CDH23: variants seen among roughly 807,000 people sequenced by gnomAD.
CDH23 encodes the protein cadherin related 23, also known as cadherin-23.
A neutral mutation model predicts 317.1 loss-of-function variants in CDH23; 189 were observed. The observed-to-expected ratio is 0.60, with a 90% CI of 0.53 to 0.67. The LOEUF is 0.67. Among genes scored for constraint, CDH23 ranks in the 30% least tolerant of loss-of-function variants. The probability of loss-of-function intolerance (pLI) is 0.00; values close to 1 mark genes in which losing one functional copy is unlikely to be tolerated. For synonymous variants in CDH23, 1,839 were observed against 1,876.8 expected (o/e 0.98, Z 0.52); for missense variants, 4,401 against 4,592.4 (o/e 0.96, Z 1.20).
At position 71,811,978 on chromosome 10, in the gene CDH23, A is replaced by G. The variant is rs772298163; in HGVS notation, c.9343A>G (p.Met3115Val). ...SAGNRGFIDI[M>V]DMPNTNKYSF... ...AGGGAATCGTGGCTTCATCGACATC[A>G]TGGACATGCCTAACACCAACAAGTA... The change falls in exon 66 of 70, where the codon ATG (methionine) becomes GTG (valine). Residue 3115 changes from methionine (M) to valine (V), a missense_variant. Met to Val is a conservative substitution (Grantham distance 21). Transcript: ENST00000224721. 3.1e-6 allele frequency: 5 copies of G among 1,610,698 alleles called. No individual in the cohort carries two copies. The East Asian group carries it at 8.9e-5, about 29-fold the overall frequency.
intron 49 of CDH23, 35 bp from the exon 50 acceptor site, chr10:71,798,319 C>G: frequency 1.3e-6 from 2 of 1,523,914 alleles, no homozygotes; most frequent in African/African-American, 1.4e-5. Context: ...CACTAGTGTC[C>G]TTCCCCTCTC....
chr10:71,403,129 C>T (rs909990286), intron 1 of CDH23, among the ~76,000 whole-genome samples: 1 of 151,682 alleles, frequency 6.6e-6, no homozygotes, highest in Non-Finnish European at 1.5e-5. Context: ...CTCAAAAGAA[C>T]CAAAAAACAA....
At chr10:71,808,225 TTC>T (rs769158236) in intron 60 of CDH23, among the ~76,000 whole-genome samples, 4 of 152,282 alleles carry the variant, frequency 2.6e-5, no homozygotes, top group African/African-American at 9.6e-5. Context: ...TTTCTTTTCA[TTC>T]TCTCTTCTTT....
At position 71,677,650 on chromosome 10, in the gene CDH23, T is replaced by C. The variant is rs1236160441; in HGVS notation, c.1709T>C (p.Leu570Pro). Residue 570 changes from leucine to proline, a missense_variant, in exon 16 of 70, where the codon CTG becomes CCG. Transcript: ENST00000224721. ...TFQKDAYVGA[L>P]RENEPSVTQL... Reference sequence around the variant, plus strand: ...CAGAAGGATGCCTACGTGGGTGCTCTGCGGGAGAACGAGCCTTCTGTCACA... The same window carrying C: ...CAGAAGGATGCCTACGTGGGTGCTCCGCGGGAGAACGAGCCTTCTGTCACA... 1 of 1,583,330 alleles carries C rather than the reference T, an allele frequency of 6.3e-7. No individual in the cohort carries two copies. Among genetic ancestry groups the C allele is most frequent in the South Asian group, 1.2e-5 (1 of 86,422 alleles).
At chr10:71,765,686 C>T (rs556688850) in intron 38 of CDH23, among the ~76,000 whole-genome samples, 10 of 152,090 alleles carry the variant, frequency 6.6e-5, no homozygotes, top group African/African-American at 9.7e-5. Flanking sequence ...TCAGGGAGTA[C>T]GGGAGAGGGG....
At chr10:71,473,960 C>T (rs887730231) in intron 3 of CDH23, among the ~76,000 whole-genome samples, 3 of 152,340 alleles carry the variant, frequency 2.0e-5, no homozygotes, top group South Asian at 2.1e-4. Context: ...CTGGCGCCGA[C>T]GTCTTTATCA....
chr10:71,474,299 A>C (rs1851672999), intron 3 of CDH23, among the ~76,000 whole-genome samples: 1 of 152,184 alleles, frequency 6.6e-6, no homozygotes, highest in African/African-American at 2.4e-5. Context: ...GTAAGTTTGA[A>C]ACAGGAGGTT....
chr10:71,646,584 C>T lies in CDH23; in HGVS notation c.1416C>T (p.Asn472=), dbSNP rs745573280. ...QPLYNISLYE[N]VTVGTSVLTV... ...TGTACAACATCAGCCTGTACGAGAA[C>T]GTCACCGTGGGGACCTCTGTGCTGA... The change falls in exon 14 of 70, where the codon AAC becomes AAT. Residue 472 remains asparagine, a synonymous_variant. Coordinates refer to ENST00000224721, the MANE Select transcript of CDH23 (RefSeq NM_022124.6). 15 of 1,613,886 alleles carry T rather than the reference C, an allele frequency of 9.3e-6. No individual in the cohort carries two copies. Among genetic ancestry groups the T allele is most frequent in the African/African-American group, 2.7e-5 (2 of 74,916 alleles).
intron 1 of CDH23, among the ~76,000 whole-genome samples, chr10:71,408,395 G>A (rs994626283): frequency 1.3e-5 from 2 of 152,162 alleles, no homozygotes; most frequent in African/African-American, 2.4e-5. Flanking sequence ...GAGAAAGAGA[G>A]AGAATTGCAT....
chr10:71,589,504 C>T (rs945867324), intron 9 of CDH23, among the ~76,000 whole-genome samples: 1 of 152,204 alleles, frequency 6.6e-6, no homozygotes. Context: ...ACTTAAAGCC[C>T]ACCCCACCCA....
intron 11 of CDH23, among the ~76,000 whole-genome samples, chr10:71,639,639 C>T (rs1379565556): frequency 6.6e-6 from 1 of 152,190 alleles, no homozygotes; most frequent in Non-Finnish European, 1.5e-5. Context: ...TGAACACTTA[C>T]CCCCTCTGGC....
At chr10:71,536,666 CT>C (rs781005789) in intron 6 of CDH23, among the ~76,000 whole-genome samples, 24 of 152,130 alleles carry the variant, frequency 1.6e-4, no homozygotes, top group Admixed American at 6.5e-4. Context: ...AAATCCATTG[CT>C]GATATTCAAC....
chr10:71,682,550 T>C lies in CDH23; in HGVS notation c.1964T>C (p.Val655Ala), dbSNP rs1864698159. The change falls in exon 18 of 70, where the codon GTC (valine) becomes GCC (alanine). Residue 655 changes from valine to alanine, a missense_variant. Physicochemically the swap from Val to Ala is moderately conservative, Grantham distance 64. Coordinates refer to ENST00000224721, the MANE Select transcript of CDH23 (RefSeq NM_022124.6). ...DAGNPPLNSTVPVTIEVFDEN... is the reference protein window; with the variant it reads ...DAGNPPLNSTAPVTIEVFDEN... ...GGCAACCCCCCTCTCAACAGCACCGTCCCTGTCACCATCGAGGTGTTTGTA... is the reference window on the plus strand; with the variant it reads ...GGCAACCCCCCTCTCAACAGCACCGCCCCTGTCACCATCGAGGTGTTTGTA... 1 of 1,613,622 alleles carries C rather than the reference T, an allele frequency of 6.2e-7. No homozygotes were observed. Among genetic ancestry groups the C allele is most frequent in the South Asian group, 1.1e-5 (1 of 90,928 alleles).
intron 38 of CDH23, among the ~76,000 whole-genome samples, chr10:71,759,854 C>CACACATATAT (rs1840262133): frequency 3.7e-5 from 4 of 109,202 alleles, no homozygotes; most frequent in Admixed American, 2.0e-4. Flanking sequence ...CACATATACA[C>CACACATATAT]ACACACACAC....
At chr10:71,782,107 A>G (rs931316236) in intron 41 of CDH23, among the ~76,000 whole-genome samples, 1 of 152,228 alleles carries the variant, frequency 6.6e-6, no homozygotes, top group Non-Finnish European at 1.5e-5. Flanking sequence ...ATAGGGAGAC[A>G]GATGCCAGAT....
chr10:71,775,389 C>T (rs761811559), intron 38 of CDH23, among the ~76,000 whole-genome samples: 2 of 144,346 alleles, frequency 1.4e-5, no homozygotes. Context: ...AGCAATTGCC[C>T]TGCCAACCCC....
chr10:71,428,930 C>T (rs1048530778), intron 1 of CDH23, among the ~76,000 whole-genome samples: 9 of 152,140 alleles, frequency 5.9e-5, no homozygotes, highest in Admixed American at 5.2e-4. Flanking sequence ...TGCCTCCTTT[C>T]GAATTGGGTT....
intron 14 of CDH23, among the ~76,000 whole-genome samples, chr10:71,656,584 C>T (rs1045805203): frequency 2.0e-5 from 3 of 152,060 alleles, no homozygotes; most frequent in East Asian, 1.9e-4. Context: ...TGGGGAAATA[C>T]GACTGGGCAG....
intron 30 of CDH23, among the ~76,000 whole-genome samples, chr10:71,726,227 TC>T (rs1866804245): frequency 6.6e-6 from 1 of 151,874 alleles, no homozygotes; most frequent in Admixed American, 6.6e-5. Context: ...CCCAGCCCCT[TC>T]CCCTAAACCA....
Sources: gnomAD v4.1 joint callset for allele counts (sites outside exome capture counted in the v4.1 genomes callset) on GRCh38, gnomAD v4.1.1 for gene constraint, MANE v1.5 for transcripts, NCBI Gene and HGNC (gene_info 2026-07-23, HGNC 2026-07-21) for gene names.